IL1RAPL1: variants seen among roughly 807,000 people sequenced by gnomAD.
IL1RAPL1 encodes the protein interleukin 1 receptor accessory protein like 1, also known as interleukin-1 receptor accessory protein-like 1.
In IL1RAPL1, 3 loss-of-function variants were observed where a neutral mutation model predicts 48.4. The ratio of observed to expected loss-of-function variants is 0.06; its 90% CI spans 0.03 to 0.16. The LOEUF (loss-of-function observed/expected upper bound fraction) is 0.16. IL1RAPL1 is among the 10% of genes least tolerant of loss of function. The pLI, the probability that IL1RAPL1 is intolerant of heterozygous loss-of-function variation, is 1.00. For missense variants in IL1RAPL1, 349 were observed against 530.6 expected, an observed-to-expected ratio of 0.66 and a Z score of 3.36; for synonymous variants, 185 against 187.7, an observed-to-expected ratio of 0.99 and a Z score of 0.12.
chrX:28,674,817 C>T (rs185204902), intron 1 of IL1RAPL1, among the ~76,000 whole-genome samples: 20 of 111,688 alleles, frequency 1.8e-4, no homozygotes, highest in Non-Finnish European at 2.1e-4. Flanking sequence ...TCATGATTTA[C>T]GAATAATTGG....
intron 8 of IL1RAPL1, among the ~76,000 whole-genome samples, chrX:29,931,038 C>T (rs1257006098): frequency 9.0e-6 from 1 of 111,671 alleles, no homozygotes; most frequent in Admixed American, 9.6e-5. Flanking sequence ...GAGCCACAGA[C>T]TTCTTCTCAA....
chrX:29,018,328 A>T lies in IL1RAPL1; in HGVS notation c.82+228903A>T, dbSNP rs1163247981. 3.6e-5 allele frequency among the ~76,000 whole-genome samples: 4 copies of T among 112,247 alleles called. No individual in the cohort carries two copies. The East Asian group carries it at 1.1e-3, about 31-fold the overall frequency. ...TATTAATTAATCTGTTGATGTATTC[A>T]TGCATGCATTTGCAAATATAATTTG... On this transcript the variant is annotated intron_variant, in intron 2 of 10. Transcript: ENST00000378993.
chrX:29,918,335 G>A (rs1220257105), intron 7 of IL1RAPL1, among the ~76,000 whole-genome samples: 8 of 95,423 alleles, frequency 8.4e-5, no homozygotes, highest in Non-Finnish European at 1.4e-4. Context: ...GGTGAACCCC[G>A]TCTCTACTGA....
At chrX:28,838,915 T>A (rs1921294000) in intron 2 of IL1RAPL1, among the ~76,000 whole-genome samples, 1 of 111,140 alleles carries the variant, frequency 9.0e-6, no homozygotes, top group African/African-American at 3.3e-5. Flanking sequence ...GCACATTAAT[T>A]TTGAGAGTAA....
intron 2 of IL1RAPL1, among the ~76,000 whole-genome samples, chrX:29,159,466 G>T (rs1929638382): frequency 9.0e-6 from 1 of 111,728 alleles, no homozygotes; most frequent in South Asian, 3.7e-4. Context: ...ATAGCTAAGT[G>T]CATTGTATAA....
intron 3 of IL1RAPL1, among the ~76,000 whole-genome samples, chrX:29,300,558 C>T (rs758382088): frequency 1.8e-5 from 2 of 111,771 alleles, no homozygotes; most frequent in South Asian, 7.5e-4. Flanking sequence ...TTCCAGATTC[C>T]TCTGCTGTGA....
chrX:29,779,407 G>A (rs914082055), intron 6 of IL1RAPL1, among the ~76,000 whole-genome samples: 1 of 111,069 alleles, frequency 9.0e-6, no homozygotes, highest in Non-Finnish European at 1.9e-5. Context: ...CATGCACATG[G>A]ACATAAAGAA....
At chrX:29,678,749 A>G (rs1252959265) in intron 6 of IL1RAPL1, among the ~76,000 whole-genome samples, 5 of 111,227 alleles carry the variant, frequency 4.5e-5, no homozygotes, top group Non-Finnish European at 9.4e-5. Flanking sequence ...AACATATACT[A>G]ATTGAATTAT....
chrX:29,925,415 T>TTTTTG (rs1932879358), intron 8 of IL1RAPL1, among the ~76,000 whole-genome samples: 1 of 16,808 alleles, frequency 5.9e-5, no homozygotes, highest in Non-Finnish European at 1.1e-4. Context: ...CGTAACTGTT[T>TTTTTG]TTTTTTTTTT....
intron 2 of IL1RAPL1, among the ~76,000 whole-genome samples, chrX:29,147,646 G>A (rs1343770280): frequency 8.9e-6 from 1 of 111,749 alleles, no homozygotes; most frequent in Non-Finnish European, 1.9e-5. Context: ...TCATTGTTAT[G>A]TTTTCTTGCC....
At chrX:29,635,157 T>C (rs967232936) in intron 5 of IL1RAPL1, among the ~76,000 whole-genome samples, 4 of 110,918 alleles carry the variant, frequency 3.6e-5, no homozygotes, top group Non-Finnish European at 5.7e-5. Context: ...AAGGGGGAAA[T>C]TATCAAATAA....
At chrX:29,290,883 C>T (rs940897886) in intron 3 of IL1RAPL1, among the ~76,000 whole-genome samples, 9 of 111,721 alleles carry the variant, frequency 8.1e-5, no homozygotes, top group Admixed American at 4.8e-4. Flanking sequence ...TCTCATGAGC[C>T]GAGTTTTGAG....
intron 2 of IL1RAPL1, among the ~76,000 whole-genome samples, chrX:29,277,553 A>G (rs1932138898): frequency 8.9e-6 from 1 of 111,961 alleles, no homozygotes; most frequent in Non-Finnish European, 1.9e-5. Flanking sequence ...AGTCAAGTGT[A>G]GAGCTTTAAA....
intron 1 of IL1RAPL1, among the ~76,000 whole-genome samples, chrX:28,646,760 C>T (rs1027684180): frequency 8.9e-6 from 1 of 112,467 alleles, no homozygotes; most frequent in Admixed American, 9.4e-5. Context: ...TTGTCACTAG[C>T]ACTCTATGTA....
At chrX:29,932,833 T>G (rs2147246938) in intron 8 of IL1RAPL1, among the ~76,000 whole-genome samples, 1 of 111,885 alleles carries the variant, frequency 8.9e-6, no homozygotes, top group African/African-American at 3.2e-5. Context: ...ATGAGCACCT[T>G]TAACGCAAAA....
chrX:29,119,770 A>G (rs1928745116), intron 2 of IL1RAPL1, among the ~76,000 whole-genome samples: 1 of 111,361 alleles, frequency 9.0e-6, no homozygotes, highest in Admixed American at 9.6e-5. Context: ...ACCAAGTCCT[A>G]ATAGTGAGCA....
At chrX:29,027,650 C>A (rs1477518015) in intron 2 of IL1RAPL1, among the ~76,000 whole-genome samples, 1 of 111,445 alleles carries the variant, frequency 9.0e-6, no homozygotes, top group Non-Finnish European at 1.9e-5. Context: ...TTTGTATTCC[C>A]ACCAGCAATT....
At chrX:28,713,438 A>G (rs1935464816) in intron 1 of IL1RAPL1, among the ~76,000 whole-genome samples, 1 of 111,485 alleles carries the variant, frequency 9.0e-6, no homozygotes, top group Non-Finnish European at 1.9e-5. Flanking sequence ...TGGCTTCAGA[A>G]ATAATTTTTA....
chrX:29,086,777 A>T (rs1176546527), intron 2 of IL1RAPL1, among the ~76,000 whole-genome samples: 3 of 111,872 alleles, frequency 2.7e-5, no homozygotes, highest in African/African-American at 9.8e-5. Flanking sequence ...AGATTAGGGA[A>T]ATAAATAATA....
Sources: gnomAD v4.1 joint callset for allele counts (sites outside exome capture counted in the v4.1 genomes callset) on GRCh38, gnomAD v4.1.1 for gene constraint, MANE v1.5 for transcripts, NCBI Gene and HGNC (gene_info 2026-07-23, HGNC 2026-07-21) for gene names.